OPCML: variants seen among roughly 807,000 people sequenced by gnomAD.
OPCML encodes the protein opioid-binding protein/cell adhesion molecule.
Under a neutral mutation model 37.8 loss-of-function variants are expected in OPCML, and 13 were observed. The observed-to-expected ratio is 0.34, with a 90% CI of 0.22 to 0.55. The LOEUF is 0.55. OPCML is among the 20% of genes least tolerant of loss of function. OPCML has a pLI of 0.91. For synonymous variants in OPCML, 176 were observed against 168.8 expected (o/e 1.04, Z -0.33); for missense variants, 341 against 435.6 (o/e 0.78, Z 1.93).
In OPCML at chr11:133,463,177, C is replaced by CAA. The variant is rs531526248; in HGVS notation, c.61+69085_61+69086dup. 2.1e-3 allele frequency among the ~76,000 whole-genome samples: 197 copies of CAA among 93,074 alleles called. 1 individual carries two copies. Among genetic ancestry groups the CAA allele is most frequent in the African/African-American group, 6.7e-3 (176 of 26,284 alleles). The allele number at this position is 93,074 out of a possible 152,430, so 61.1% of individuals were successfully genotyped here. A position where few individuals can be genotyped will look rare whatever the true frequency, so the allele number is the denominator to read the frequency against. Reference sequence around the variant, plus strand: ...AGTTTTGAATATACAGTTAAAAAAACAAAAAAAAAAATAGAAAGAAAATAA... The same window carrying CAA: ...AGTTTTGAATATACAGTTAAAAAAACAAAAAAAAAAAAATAGAAAGAAAATAA... On this transcript the variant is annotated intron_variant, in intron 1 of 7. Coordinates refer to ENST00000524381, the MANE Select transcript of OPCML (RefSeq NM_001012393.5).
chr11:133,207,645 G>A (rs562488152), intron 1 of OPCML, among the ~76,000 whole-genome samples: 21 of 152,282 alleles, frequency 1.4e-4, no homozygotes, highest in African/African-American at 5.1e-4. Flanking sequence ...TTCTAATCAT[G>A]TATTCATTTA....
At chr11:132,667,654 G>T (rs970701507) in intron 2 of OPCML, among the ~76,000 whole-genome samples, 8 of 152,198 alleles carry the variant, frequency 5.3e-5, no homozygotes, top group Admixed American at 5.2e-4. Flanking sequence ...GGGTGGCTTT[G>T]TGGATTCAGC....
intron 3 of OPCML, among the ~76,000 whole-genome samples, chr11:132,535,530 C>T (rs944538523): frequency 1.3e-4 from 20 of 152,102 alleles, no homozygotes; most frequent in Admixed American, 7.9e-4. Flanking sequence ...AATGATACCT[C>T]GTATGTGATG....
At chr11:133,115,092 T>C (rs1463436870) in intron 1 of OPCML, among the ~76,000 whole-genome samples, 2 of 152,244 alleles carry the variant, frequency 1.3e-5, no homozygotes, top group Non-Finnish European at 2.9e-5. Flanking sequence ...AAAGGACATA[T>C]GAAAAGCCCA....
intron 2 of OPCML, among the ~76,000 whole-genome samples, chr11:132,851,685 C>T (rs1941814340): frequency 1.3e-5 from 2 of 152,214 alleles, no homozygotes; most frequent in South Asian, 4.1e-4. Context: ...CTTAAAATCT[C>T]ATTTAATCTT....
At chr11:132,780,616 G>A (rs1304411710) in intron 2 of OPCML, among the ~76,000 whole-genome samples, 1 of 152,150 alleles carries the variant, frequency 6.6e-6, no homozygotes, top group Non-Finnish European at 1.5e-5. Flanking sequence ...CTCAGAATAG[G>A]CTGGGAGGTA....
intron 1 of OPCML, among the ~76,000 whole-genome samples, chr11:133,443,303 T>C (rs947077112): frequency 2.6e-5 from 4 of 152,288 alleles, no homozygotes; most frequent in South Asian, 2.1e-4. Flanking sequence ...AGGTTCCACA[T>C]TGGGTGTTTT....
chr11:132,459,072 C>A (rs1209572575), intron 4 of OPCML, among the ~76,000 whole-genome samples: 1 of 152,200 alleles, frequency 6.6e-6, no homozygotes, highest in Non-Finnish European at 1.5e-5. Context: ...CCAATGTGGG[C>A]AGGCATCATA....
At chr11:133,290,942 C>T (rs1461724895) in intron 1 of OPCML, among the ~76,000 whole-genome samples, 1 of 152,216 alleles carries the variant, frequency 6.6e-6, no homozygotes, top group Non-Finnish European at 1.5e-5. Flanking sequence ...AGTCTCAACT[C>T]CTCAAAGTCA....
chr11:132,462,043 C>A (rs541508133), intron 4 of OPCML, among the ~76,000 whole-genome samples: 80 of 152,278 alleles, frequency 5.3e-4, no homozygotes, highest in African/African-American at 1.9e-3. Flanking sequence ...ATATAGGTGA[C>A]AATGTACTAC....
At chr11:132,833,861 T>C (rs34915305) in intron 2 of OPCML, among the ~76,000 whole-genome samples, 10,197 of 152,252 alleles carry the variant, frequency 0.067, 393 homozygotes, top group Non-Finnish European at 0.076. Context: ...AGTAAGAGCA[T>C]TTAGGATGGA....
chr11:132,456,587 T>C (rs946949273), intron 4 of OPCML, among the ~76,000 whole-genome samples: 3 of 152,168 alleles, frequency 2.0e-5, no homozygotes, highest in Admixed American at 2.0e-4. Flanking sequence ...AAATGATAAA[T>C]GATTCTACCT....
chr11:132,907,213 A>G (rs908930235), intron 2 of OPCML, among the ~76,000 whole-genome samples: 4 of 152,056 alleles, frequency 2.6e-5, no homozygotes, highest in African/African-American at 9.7e-5. Flanking sequence ...CATTTTCTCA[A>G]TCCATCCTTC....
chr11:132,570,462 T>C (rs1216945618), intron 3 of OPCML, among the ~76,000 whole-genome samples: 1 of 152,094 alleles, frequency 6.6e-6, no homozygotes, highest in Non-Finnish European at 1.5e-5. Context: ...CAGGATATGC[T>C]GATTTTCTTT....
intron 1 of OPCML, among the ~76,000 whole-genome samples, chr11:133,026,796 T>C (rs966998542): frequency 2.0e-5 from 3 of 152,242 alleles, no homozygotes; most frequent in African/African-American, 7.2e-5. Flanking sequence ...ATGTTGGATT[T>C]GTGCTTCATA....
intron 1 of OPCML, among the ~76,000 whole-genome samples, chr11:133,253,830 ATTCCCTTCCCTTCCCTTCCCTTCCC>A (rs1210025761): frequency 8.3e-5 from 6 of 71,866 alleles, no homozygotes; most frequent in African/African-American, 3.3e-4. Context: ...CTTCCCTTCC[ATTCCCTTCCCTTCCCTTCCCTTCCC>A]TTCCCTTCCC....
chr11:133,117,446 A>G (rs1306033798), intron 1 of OPCML, among the ~76,000 whole-genome samples: 3 of 152,174 alleles, frequency 2.0e-5, no homozygotes. Flanking sequence ...ATAGACTAGC[A>G]CTGAGCTGTG....
chr11:132,793,297 T>C (rs1180583478), intron 2 of OPCML, among the ~76,000 whole-genome samples: 1 of 152,180 alleles, frequency 6.6e-6, no homozygotes, highest in Non-Finnish European at 1.5e-5. Flanking sequence ...ATTGTGCCTT[T>C]CTCAAGGTCG....
chr11:133,422,278 C>G (rs917400530), intron 1 of OPCML: 21 of 984,540 alleles, frequency 2.1e-5, no homozygotes, highest in Non-Finnish European at 2.5e-5. Context: ...GTGGGACTCA[C>G]CACTAAACAC....
Sources: allele counts gnomAD v4.1 joint callset (sites outside exome capture counted in the v4.1 genomes callset), GRCh38; gene constraint gnomAD v4.1.1; transcripts MANE v1.5; gene names NCBI Gene and HGNC (gene_info 2026-07-23, HGNC 2026-07-21).